The following SCN8A variants were observed in gnomAD, a reference collection of about 807,000 sequenced individuals.
SCN8A encodes sodium channel protein type 8 subunit alpha.
A neutral mutation model predicts 184.1 loss-of-function variants in SCN8A; 30 were observed. The ratio of observed to expected loss-of-function variants is 0.16; its 90% confidence interval spans 0.12 to 0.22. The LOEUF is 0.22. SCN8A is among the 10% of genes least tolerant of loss of function. The pLI is 1.00. For missense variants in SCN8A, 1,057 were observed against 2,498.9 expected (o/e 0.42, Z 12.30); for synonymous variants, 852 against 907.0 (o/e 0.94, Z 1.09).
intron 1 of SCN8A, among the ~76,000 whole-genome samples, chr12:51,660,704 A>G (rs1940908994): frequency 6.6e-6 from 1 of 152,182 alleles, no homozygotes; most frequent in Non-Finnish European, 1.5e-5. Context: ...AGTGGTGATA[A>G]TAATATCTGC....
intron 20 of SCN8A, among the ~76,000 whole-genome samples, chr12:51,775,113 C>T (rs183160194): frequency 4.3e-3 from 656 of 152,316 alleles, no homozygotes; most frequent in Non-Finnish European, 7.1e-3. Context: ...TATGTAATAA[C>T]TAAAGCTTCT....
chr12:51,639,875 T>A, intron 1 of SCN8A, among the ~76,000 whole-genome samples: 1 of 127,030 alleles, frequency 7.9e-6, no homozygotes, highest in Non-Finnish European at 1.6e-5. Flanking sequence ...AATTAAGGTA[T>A]ATGCTTTTTT....
intron 6 of SCN8A, among the ~76,000 whole-genome samples, chr12:51,697,871 C>T (rs899704646): frequency 4.6e-5 from 7 of 152,040 alleles, no homozygotes; most frequent in South Asian, 2.1e-4. Flanking sequence ...GTTTTTGAGA[C>T]GGAGTCTCGC....
In SCN8A at chr12:51,794,625, C is replaced by T. The variant is rs12301486; in HGVS notation, c.4779C>T (p.Val1593=). 4,971 of 1,613,826 alleles carry T rather than the reference C, an allele frequency of 3.1e-3. 86 individuals carry two copies. In the African/African-American group the frequency reaches 0.045, roughly 15 times the overall value. ...GGAACATCTTCGACTTCGTGGTAGT[C>T]ATCCTCTCCATTGTGGGTGAGTGGG... ...IGWNIFDFVV[V]ILSIVGMFLA... The change falls in exon 26 of 27, where the codon GTC becomes GTT. Residue 1593 remains valine (V), a synonymous_variant. Coordinates refer to ENST00000627620, the MANE Select transcript of SCN8A (RefSeq NM_001330260.2).
intron 1 of SCN8A, among the ~76,000 whole-genome samples, chr12:51,651,544 GC>G (rs1404234210): frequency 6.6e-6 from 1 of 152,158 alleles, no homozygotes; most frequent in African/African-American, 2.4e-5. Context: ...ATGAAAAGAT[GC>G]AAAAGCAGAA....
chr12:51,783,343 T>C (rs1402542769), intron 21 of SCN8A, among the ~76,000 whole-genome samples: 2 of 152,218 alleles, frequency 1.3e-5, no homozygotes, highest in Non-Finnish European at 2.9e-5. Flanking sequence ...TTCTTCTATA[T>C]GCCAACACTT....
chr12:51,736,526 A>G (rs1425036323), intron 12 of SCN8A, among the ~76,000 whole-genome samples: 1 of 152,260 alleles, frequency 6.6e-6, no homozygotes, highest in Non-Finnish European at 1.5e-5. Flanking sequence ...GTAATGCTAT[A>G]TCTGCATTTG....
At chr12:51,610,082 A>G (rs1592326355) in intron 1 of SCN8A, among the ~76,000 whole-genome samples, 1 of 150,338 alleles carries the variant, frequency 6.7e-6, no homozygotes, top group East Asian at 2.0e-4. Flanking sequence ...AGGCAGGAGA[A>G]CTGCTTGAAC....
At chr12:51,671,971 C>T (rs1941139612) in intron 2 of SCN8A, among the ~76,000 whole-genome samples, 1 of 152,114 alleles carries the variant, frequency 6.6e-6, no homozygotes, top group African/African-American at 2.4e-5. Context: ...AATAGGGTGC[C>T]CCATCTACTG....
chr12:51,655,374 T>C (rs1033904319), intron 1 of SCN8A, among the ~76,000 whole-genome samples: 18 of 150,056 alleles, frequency 1.2e-4, no homozygotes, highest in Non-Finnish European at 2.2e-4. Flanking sequence ...TTAAGGTCTT[T>C]TTTTTTTTTC....
chr12:51,592,904 A>G (rs909896851), intron 1 of SCN8A, among the ~76,000 whole-genome samples: 1 of 151,844 alleles, frequency 6.6e-6, no homozygotes, highest in African/African-American at 2.4e-5. Context: ...TCTTTTCTCC[A>G]CGTGCATTAG....
chr12:51,756,827 A>G (rs1448273052), intron 14 of SCN8A, among the ~76,000 whole-genome samples: 5 of 152,222 alleles, frequency 3.3e-5, no homozygotes, highest in Non-Finnish European at 7.3e-5. Flanking sequence ...TGAGTGGTTC[A>G]GGAGGAAGGG....
chr12:51,772,924 A>T (rs303804), intron 19 of SCN8A, among the ~76,000 whole-genome samples: 1 of 149,658 alleles, frequency 6.7e-6, no homozygotes, highest in African/African-American at 2.4e-5. Context: ...AGACCATCCC[A>T]GCTAACACAG....
At chr12:51,683,930 A>C (rs999813641) in intron 2 of SCN8A, among the ~76,000 whole-genome samples, 1 of 152,208 alleles carries the variant, frequency 6.6e-6, no homozygotes, top group Non-Finnish European at 1.5e-5. Flanking sequence ...CTGTTTCTGA[A>C]AGAAACAAGT....
chr12:51,764,490 C>T (rs1213789584), intron 15 of SCN8A, among the ~76,000 whole-genome samples: 1 of 151,964 alleles, frequency 6.6e-6, no homozygotes, highest in Non-Finnish European at 1.5e-5. Context: ...CAAAAATTAG[C>T]CGGGCATGGT....
intron 26 of SCN8A, among the ~76,000 whole-genome samples, chr12:51,798,656 G>T (rs1938476133): frequency 6.6e-6 from 1 of 152,218 alleles, no homozygotes; most frequent in Non-Finnish European, 1.5e-5. Context: ...GGCCCATTGG[G>T]CAATGACAGG....
intron 1 of SCN8A, among the ~76,000 whole-genome samples, chr12:51,636,359 T>C (rs1477917201): frequency 6.6e-6 from 1 of 152,168 alleles, no homozygotes; most frequent in Non-Finnish European, 1.5e-5. Flanking sequence ...TCGCTGTTTG[T>C]ATCTGGAGTA....
In SCN8A at chr12:51,810,484, G is replaced by T. The variant is rs1203428283; in HGVS notation, c.*3055G>T. ...CAATGCTTTGCCAAATATTAACGAA[G>T]CCAATCAAAGAGCAGCGCAGCCACA... On this transcript the variant is annotated 3_prime_UTR_variant, in exon 27 of 27. Transcript: ENST00000627620. The T allele has an allele frequency of 6.8e-6, 3 of 440,132 alleles. No individual in the cohort carries two copies. In the East Asian group the frequency reaches 2.3e-4, roughly 34 times the overall value. 27.3% of individuals were successfully genotyped at this position (440,132 alleles called of 1,614,324 possible). A position where few individuals can be genotyped will look rare whatever the true frequency, so the allele number is the denominator to read the frequency against.
At chr12:51,612,408 C>G (rs1167121813) in intron 1 of SCN8A, among the ~76,000 whole-genome samples, 1 of 152,216 alleles carries the variant, frequency 6.6e-6, no homozygotes, top group Non-Finnish European at 1.5e-5. Context: ...AAGTGATCCA[C>G]TCACCTTGGC....
Sources: allele counts gnomAD v4.1 joint callset (sites outside exome capture counted in the v4.1 genomes callset), GRCh38; gene constraint gnomAD v4.1.1; transcripts MANE v1.5; gene names NCBI Gene and HGNC (gene_info 2026-07-23, HGNC 2026-07-21).